The following PRRC2B variants were observed in gnomAD, a reference collection of about 807,000 sequenced individuals.
The protein encoded by PRRC2B is protein PRRC2B.
Under a neutral mutation model 242.3 loss-of-function variants are expected in PRRC2B, and 68 were observed. The observed-to-expected ratio is 0.28, with a 90% CI of 0.23 to 0.34. The LOEUF (loss-of-function observed/expected upper bound fraction) is 0.34, where lower values mean the gene tolerates loss of function less well. Among genes scored for constraint, PRRC2B ranks in the 10% least tolerant of loss-of-function variants. PRRC2B has a pLI of 1.00. For synonymous variants in PRRC2B, 1,228 were observed against 1,173.6 expected (o/e 1.05, Z -0.95); for missense variants, 2,835 against 2,954.8 (o/e 0.96, Z 0.94).
In PRRC2B at chr9:131,464,844, C is replaced by G. The variant is rs1943346286; in HGVS notation, c.1486C>G (p.Gln496Glu). ...GCCCCCACCAAGGCAGAAGTTCATT[C>G]AGTCAGAGATGTCCGAGGCGGTGGA... is the stretch of plus-strand genomic sequence containing the variant. Reference protein sequence around the residue: ...DKPPPRQKFIQSEMSEAVERA... With the variant: ...DKPPPRQKFIESEMSEAVERA... The change falls in exon 12 of 32, where the codon CAG becomes GAG. Residue 496 changes from glutamine to glutamate, a missense_variant. Gln to Glu is a conservative substitution (Grantham distance 29). This residue lies in a region of PRRC2B where 626 missense variants were observed against 685.5 expected (regional missense o/e 0.91). Transcript: ENST00000683519. 1 of 1,613,684 alleles carries G rather than the reference C, an allele frequency of 6.2e-7. No individual in the cohort carries two copies. The highest frequency in any genetic ancestry group is 8.5e-7 in the Non-Finnish European group (1 of 1,179,734).
chr9:131,488,372 T>A (rs1052659008), intron 28 of PRRC2B, among the ~76,000 whole-genome samples: 1 of 151,896 alleles, frequency 6.6e-6, no homozygotes, highest in African/African-American at 2.4e-5. Context: ...CAGGCGATGC[T>A]CCTGCCTCAG....
At position 131,464,989 on chromosome 9, in the gene PRRC2B, A is replaced by T. The variant is rs779851704; in HGVS notation, c.1631A>T (p.Glu544Val). 4 of 1,613,866 alleles carry T rather than the reference A, an allele frequency of 2.5e-6. No individual in the cohort carries two copies. The highest frequency in any genetic ancestry group is 3.4e-6 in the Non-Finnish European group (4 of 1,179,900). Residue 544 changes from glutamate to valine, a missense_variant, in exon 12 of 32, where the codon GAG becomes GTG. Physicochemically the swap from Glu to Val is moderately radical, Grantham distance 121. This residue lies in a region of PRRC2B where 1,536 missense variants were observed against 1,483.1 expected (regional missense o/e 1.04). Transcript: ENST00000683519. ...TGTAAGCAGGCACGAAAGGCAGGTG[A>T]GGCCCGGAAGCAGGCAGAGAAGGAA... ...QKCKQARKAG[E>V]ARKQAEKEVP... is the part of the protein sequence containing the mutation.
Position 131,447,674 on chromosome 9 carries a change from G to C in PRRC2B, c.990G>C (p.Arg330Ser). The C allele has an allele frequency of 7.5e-6, 12 of 1,603,802 alleles. No homozygotes were observed. Among genetic ancestry groups the C allele is most frequent in the Non-Finnish European group, 9.4e-6 (11 of 1,173,738 alleles). Residue 330 changes from arginine (R) to serine (S), a missense_variant, in exon 9 of 32, where the codon AGG becomes AGC. Arg to Ser is a moderately radical substitution (Grantham distance 110). This residue lies in a region of PRRC2B where 626 missense variants were observed against 685.5 expected (regional missense o/e 0.91). Transcript: ENST00000683519. The part of the protein sequence containing the change: ...QMNDQDGKEN[R>S]LGLSRPLRPL... ...TTTCTTTTATCAGAAAAGAAAACAGGCTGGGATTGTCTCGCCCACTCCGCC... is the reference window on the plus strand; with the variant it reads ...TTTCTTTTATCAGAAAAGAAAACAGCCTGGGATTGTCTCGCCCACTCCGCC...
intron 1 of PRRC2B, among the ~76,000 whole-genome samples, chr9:131,415,020 T>C (rs1588241120): frequency 6.6e-6 from 1 of 152,178 alleles, no homozygotes; most frequent in East Asian, 1.9e-4. Flanking sequence ...TGAGTCGGAG[T>C]TTCACTCTGT....
rs1341236061 is a variant in PRRC2B, at chr9:131,476,332, G to A, written c.4203G>A (p.Val1401=). 5 of 1,584,520 alleles carry A rather than the reference G, an allele frequency of 3.2e-6. No individual in the cohort carries two copies. Among genetic ancestry groups the A allele is most frequent in the Admixed American group, 1.8e-5 (1 of 54,714 alleles). ...EGPGSEPDSQ[V]DGGLSGASLG... ...CTGGGTCCGAGCCCGACTCCCAGGT[G>A]GATGGTGGCCTGTCGGGGGCTAGTT... Residue 1401 remains valine, a synonymous_variant, in exon 16 of 32, where the codon GTG becomes GTA. Transcript: ENST00000683519.
intron 9 of PRRC2B, among the ~76,000 whole-genome samples, chr9:131,454,377 A>G (rs1009250693): frequency 1.6e-4 from 25 of 152,356 alleles, no homozygotes; most frequent in African/African-American, 5.8e-4. Context: ...AGGGTAGACA[A>G]CTACTTGGTT....
intron 11 of PRRC2B, among the ~76,000 whole-genome samples, chr9:131,459,591 TA>T (rs1943182763): frequency 6.6e-6 from 1 of 151,954 alleles, no homozygotes; most frequent in Non-Finnish European, 1.5e-5. Flanking sequence ...CGGCTGTTCT[TA>T]CTTTTTTTAA....
At chr9:131,468,117 G>A (rs781241803) in intron 13 of PRRC2B, among the ~76,000 whole-genome samples, 2 of 152,304 alleles carry the variant, frequency 1.3e-5, no homozygotes, top group East Asian at 1.9e-4. Flanking sequence ...CACCTTGGAC[G>A]TTCCTTAGAG....
intron 1 of PRRC2B, among the ~76,000 whole-genome samples, chr9:131,414,319 A>G (rs1239159610): frequency 2.0e-5 from 3 of 149,794 alleles, no homozygotes; most frequent in Non-Finnish European, 3.0e-5. Flanking sequence ...AGAATAAAAC[A>G]TAGGATATCT....
rs546268930 is a variant in PRRC2B at position 131,441,139 on chromosome 9, C to T, written c.469+2078C>T. On this transcript the variant is annotated intron_variant, in intron 5 of 31. Transcript: ENST00000683519. ...AGAAAAATGGGAGTGAGAAAAAATA[C>T]ACTTCTAAAAAATGTTGTATATGCA... is the stretch of plus-strand genomic sequence containing the variant. Among the ~76,000 whole-genome samples the T allele has an allele frequency of 3.9e-4, 59 of 152,258 alleles. No individual in the cohort carries two copies. The South Asian group carries it at 0.011, about 28-fold the overall frequency.
At chr9:131,459,393 T>C (rs1233225500) in intron 11 of PRRC2B, 37 bp downstream of exon 11, 1 of 1,548,964 alleles carries the variant, frequency 6.5e-7, no homozygotes, top group Non-Finnish European at 8.8e-7. Flanking sequence ...GTATTTGTAC[T>C]TCATTGAGTT....
intron 19 of PRRC2B, among the ~76,000 whole-genome samples, chr9:131,481,302 C>T (rs1333903511): frequency 1.0e-5 from 1 of 99,406 alleles, no homozygotes. Flanking sequence ...CAGAGCAAGA[C>T]TCCGTCTCCA....
At chr9:131,464,682 G>C in intron 11 of PRRC2B, 81 bp from the exon 12 acceptor site, 2 of 1,301,152 alleles carry the variant, frequency 1.5e-6, no homozygotes. Context: ...CTTGGGAGGA[G>C]AACTGATCCC....
intron 2 of PRRC2B, among the ~76,000 whole-genome samples, chr9:131,430,597 A>T (rs2994049): frequency 1.6e-5 from 2 of 121,832 alleles, no homozygotes; most frequent in Non-Finnish European, 1.7e-5. Context: ...GTGTGTGTGT[A>T]TATATATGTT....
In PRRC2B at chr9:131,485,165, T is replaced by C. The variant is rs1179820669; in HGVS notation, c.5758+25T>C. 6 of 1,514,414 alleles carry C rather than the reference T, an allele frequency of 4.0e-6. No homozygotes were observed. In the African/African-American group the frequency reaches 8.3e-5, roughly 21 times the overall value. 93.8% of individuals were successfully genotyped at this position (1,514,414 alleles called of 1,614,324 possible). A position where few individuals can be genotyped will look rare whatever the true frequency, so the allele number is the denominator to read the frequency against. ...GGTATCTCATCCCCTGAGCAAGGCCTTGGGGTCCTTCTCCATTTATTATCA... is the reference window on the plus strand; with the variant it reads ...GGTATCTCATCCCCTGAGCAAGGCCCTGGGGTCCTTCTCCATTTATTATCA... On this transcript the variant is annotated intron_variant, in intron 25 of 31. Coordinates refer to ENST00000683519, the MANE Select transcript of PRRC2B (RefSeq NM_013318.4).
rs1458319433 is a variant in PRRC2B, at chr9:131,498,015, C to T, written c.*2141C>T. ...GACACTTGAGCCGCATGGCCAGACC[C>T]CTCCCACCTGATGCGGTGGTGCGTG... On this transcript the variant is annotated 3_prime_UTR_variant, in exon 32 of 32. Coordinates refer to ENST00000683519, the MANE Select transcript of PRRC2B (RefSeq NM_013318.4). 1 of 152,182 alleles carries T rather than the reference C, an allele frequency of 6.6e-6. No individual in the cohort carries two copies. The highest frequency in any genetic ancestry group is 2.4e-5 in the African/African-American group (1 of 41,410). The allele number at this position is 152,182 out of a possible 1,614,324, so 9.4% of individuals were successfully genotyped here.
chr9:131,465,125 G>A, intron 12 of PRRC2B, 47 bp downstream of exon 12: 1 of 1,539,780 alleles, frequency 6.5e-7, no homozygotes, highest in Middle Eastern at 1.8e-4. Flanking sequence ...CTGGCCTGTT[G>A]TCCTCGTCTT....
intron 10 of PRRC2B, among the ~76,000 whole-genome samples, chr9:131,455,533 TTG>T (rs1343980157): frequency 9.0e-4 from 48 of 53,358 alleles, no homozygotes; most frequent in Non-Finnish European, 8.2e-4. Flanking sequence ...TTTTTTTTTT[TTG>T]AGACAGGCTC....
At chr9:131,436,375 G>C (rs1478712596) in intron 3 of PRRC2B, among the ~76,000 whole-genome samples, 1 of 152,112 alleles carries the variant, frequency 6.6e-6, no homozygotes, top group Non-Finnish European at 1.5e-5. Context: ...TCAAAAAAAA[G>C]AAAAAGAAAA....
Sources: allele counts gnomAD v4.1 joint callset (sites outside exome capture counted in the v4.1 genomes callset), GRCh38; gene constraint gnomAD v4.1.1; regional missense constraint gnomAD v4.1.1; transcripts MANE v1.5; gene names NCBI Gene and HGNC (gene_info 2026-07-23, HGNC 2026-07-21).